TMEM164: variants seen among roughly 807,000 people sequenced by gnomAD.
TMEM164 encodes RP13-360B22.2.
A neutral mutation model predicts 18.8 loss-of-function variants in TMEM164; 4 were observed. The ratio of observed to expected loss-of-function variants is 0.21; its 90% CI spans 0.10 to 0.49. The LOEUF is 0.49. Ranked by LOEUF, TMEM164 falls within the 20% of genes least tolerant of loss-of-function variation. The pLI is 0.98. For synonymous variants in TMEM164, 86 were observed against 101.7 expected (o/e 0.85, Z 0.93); for missense variants, 108 against 239.9 (o/e 0.45, Z 3.63).
chrX:110,060,211 G>A (rs867500694), intron 2 of TMEM164, among the ~76,000 whole-genome samples: 1 of 102,900 alleles, frequency 9.7e-6, no homozygotes, highest in Non-Finnish European at 2.0e-5. Flanking sequence ...AGGCTGCAGT[G>A]AGCCATGATC....
intron 5 of TMEM164, among the ~76,000 whole-genome samples, chrX:110,164,223 G>C (rs1431441913): frequency 8.9e-6 from 1 of 111,825 alleles, no homozygotes; most frequent in Non-Finnish European, 1.9e-5. Flanking sequence ...GATTCAACCA[G>C]GGCTGGGTTT....
At chrX:110,078,908 G>T (rs1259910977) in intron 3 of TMEM164, among the ~76,000 whole-genome samples, 2 of 112,007 alleles carry the variant, frequency 1.8e-5, no homozygotes, top group African/African-American at 6.5e-5. Context: ...TGGAATTAAA[G>T]ATAAAGATAA....
intron 4 of TMEM164, among the ~76,000 whole-genome samples, chrX:110,111,997 C>T (rs2066296492): frequency 1.8e-5 from 2 of 110,486 alleles, no homozygotes; most frequent in South Asian, 7.8e-4. Context: ...CACTTGAGGC[C>T]AGGAGTTTGA....
At chrX:110,091,516 G>C (rs1160009061) in intron 3 of TMEM164, among the ~76,000 whole-genome samples, 1 of 112,285 alleles carries the variant, frequency 8.9e-6, no homozygotes, top group Non-Finnish European at 1.9e-5. Flanking sequence ...CTTTTGGGAA[G>C]TGTCTGTTCA....
chrX:110,021,304 T>A (rs897575174), intron 2 of TMEM164, among the ~76,000 whole-genome samples: 3 of 110,748 alleles, frequency 2.7e-5, no homozygotes, highest in South Asian at 3.8e-4. Flanking sequence ...ACATCATGTG[T>A]TTTGGAGGCT....
At chrX:110,151,271 C>G (rs7885429) in intron 5 of TMEM164, among the ~76,000 whole-genome samples, 6,346 of 111,469 alleles carry the variant, frequency 0.057, 453 homozygotes, top group African/African-American at 0.2. Flanking sequence ...TGCTGAATCA[C>G]AGTATATGCA....
At chrX:110,101,845 A>G (rs531649400) in intron 3 of TMEM164, among the ~76,000 whole-genome samples, 11 of 110,139 alleles carry the variant, frequency 1.0e-4, no homozygotes, top group African/African-American at 3.6e-4. Flanking sequence ...GGCCTCCCAA[A>G]GTGCTGGGAT....
chrX:110,132,447 C>G (rs1569343401), intron 4 of TMEM164, among the ~76,000 whole-genome samples: 1 of 111,458 alleles, frequency 9.0e-6, no homozygotes, highest in Non-Finnish European at 1.9e-5. Flanking sequence ...TTCTTTTTCT[C>G]TTTTTGAAGT....
rs375128439 is a variant in TMEM164 at position 110,095,663 on chromosome X, G to A, written c.441-13417G>A. ...TTGGAGAAGTTTGTTATTACCGATC[G>A]TCTGAAGCCTTCTGCTCTAAACTTA... On this transcript the variant is annotated intron_variant, in intron 3 of 6. Coordinates refer to ENST00000372068, the MANE Select transcript of TMEM164 (RefSeq NM_032227.4). 1.5e-4 allele frequency among the ~76,000 whole-genome samples: 17 copies of A among 112,108 alleles called. 1 individual carries two copies. Among genetic ancestry groups the A allele is most frequent in the East Asian group, 1.4e-3 (5 of 3,586 alleles).
intron 2 of TMEM164, among the ~76,000 whole-genome samples, chrX:110,015,030 G>A (rs1933261283): frequency 9.0e-6 from 1 of 111,546 alleles, no homozygotes; most frequent in Admixed American, 9.5e-5. Flanking sequence ...TTACATCTCC[G>A]GGATATGGTA....
In TMEM164 at chrX:110,171,539, C is replaced by T; in HGVS notation, c.687+19C>T. 9.1e-7 allele frequency: 1 copy of T among 1,093,390 alleles called. No homozygotes were observed. The highest frequency in any genetic ancestry group is 1.3e-6 in the Non-Finnish European group (1 of 787,683). The allele number at this position is 1,093,390 out of a possible 1,213,427, so 90.1% of individuals were successfully genotyped here. ...CGGCCTGGTAAGTTTGGTTATATCC[C>T]CTTCTATCCCCTCTGTTTGCAGTTC... On this transcript the variant is annotated intron_variant, in intron 6 of 6. Coordinates refer to ENST00000372068, the MANE Select transcript of TMEM164 (RefSeq NM_032227.4).
At chrX:110,108,677 T>C (rs1370269498) in intron 3 of TMEM164, among the ~76,000 whole-genome samples, 2 of 112,118 alleles carry the variant, frequency 1.8e-5, no homozygotes, top group Non-Finnish European at 3.8e-5. Context: ...TAAGCAGCCA[T>C]GTTATAATAA....
intron 2 of TMEM164, among the ~76,000 whole-genome samples, chrX:110,034,526 G>A (rs990344157): frequency 3.6e-5 from 4 of 112,420 alleles, no homozygotes; most frequent in Non-Finnish European, 7.5e-5. Flanking sequence ...CAGTATGTGA[G>A]TGAATGTGTG....
intron 3 of TMEM164, among the ~76,000 whole-genome samples, chrX:110,074,725 C>T (rs2065646542): frequency 1.8e-5 from 2 of 111,892 alleles, no homozygotes; most frequent in African/African-American, 6.5e-5. Flanking sequence ...GTTCTTTCCC[C>T]ATTGTTTACT....
At chrX:110,168,116 A>C (rs1179637489) in intron 5 of TMEM164, among the ~76,000 whole-genome samples, 1 of 112,384 alleles carries the variant, frequency 8.9e-6, no homozygotes, top group Non-Finnish European at 1.9e-5. Flanking sequence ...GGCACCCGGG[A>C]CAACAGGACT....
rs1019595573 is a variant in TMEM164, at chrX:110,063,911, C to T, written c.391-3436C>T. Among the ~76,000 whole-genome samples the T allele has an allele frequency of 5.4e-5, 6 of 111,076 alleles. No homozygotes were observed. In the East Asian group the frequency reaches 1.7e-3, roughly 31 times the overall value. On this transcript the variant is annotated intron_variant, in intron 2 of 6. Coordinates refer to ENST00000372068, the MANE Select transcript of TMEM164 (RefSeq NM_032227.4). Reference sequence around the variant, plus strand: ...TCCCTGTGTGCCATGTGGTCAAGGGCCAGGGCTAGAGTCTAAAGAAAAGGA... The same window carrying T: ...TCCCTGTGTGCCATGTGGTCAAGGGTCAGGGCTAGAGTCTAAAGAAAAGGA...
intron 2 of TMEM164, chrX:110,065,191 A>T (rs1387608890): frequency 9.0e-6 from 1 of 110,972 alleles, no homozygotes; most frequent in Non-Finnish European, 1.9e-5. Flanking sequence ...GAAATTGTGG[A>T]TCAGAACCAG....
intron 2 of TMEM164, among the ~76,000 whole-genome samples, chrX:110,012,596 T>A (rs1933069962): frequency 8.9e-6 from 1 of 112,162 alleles, no homozygotes; most frequent in African/African-American, 3.2e-5. Flanking sequence ...GAACTGGAGT[T>A]ATCCATGCCT....
chrX:110,057,008 A>G (rs200334800), intron 2 of TMEM164, among the ~76,000 whole-genome samples: 2 of 110,827 alleles, frequency 1.8e-5, no homozygotes, highest in East Asian at 5.6e-4. Context: ...GTTATCATTT[A>G]TGTGTGTATG....
Sources: gnomAD v4.1 joint callset for allele counts (sites outside exome capture counted in the v4.1 genomes callset) on GRCh38, gnomAD v4.1.1 for gene constraint, MANE v1.5 for transcripts, NCBI Gene and HGNC (gene_info 2026-07-23, HGNC 2026-07-21) for gene names.